The following UTRN variants were observed in gnomAD, a reference collection of about 807,000 sequenced individuals.
UTRN encodes dystrophin-related protein 1.
Under a neutral mutation model 463.9 loss-of-function variants are expected in UTRN, and 283 were observed. The observed-to-expected ratio is 0.61, with a 90% confidence interval of 0.55 to 0.67. The LOEUF (loss-of-function observed/expected upper bound fraction) is 0.67, where lower values mean the gene tolerates loss of function less well. Among genes scored for constraint, UTRN ranks in the 30% least tolerant of loss-of-function variants. The pLI, the probability that UTRN is intolerant of heterozygous loss-of-function variation, is 0.00. For missense variants in UTRN, 3,922 were observed against 4,084.3 expected (o/e 0.96, Z 1.08); for synonymous variants, 1,442 against 1,431.5 (o/e 1.01, Z -0.17).
At chr6:144,472,435 G>A (rs901029509) in intron 23 of UTRN, among the ~76,000 whole-genome samples, 5 of 151,712 alleles carry the variant, frequency 3.3e-5, no homozygotes, top group Non-Finnish European at 7.4e-5. Flanking sequence ...TTCTTGGCAA[G>A]TCTTGATTTC....
chr6:144,505,025 A>G (rs1794580038), intron 34 of UTRN, among the ~76,000 whole-genome samples: 1 of 152,112 alleles, frequency 6.6e-6, no homozygotes, highest in South Asian at 2.1e-4. Context: ...CATTTCTTCT[A>G]CATTTTCTAG....
intron 58 of UTRN, among the ~76,000 whole-genome samples, chr6:144,762,133 A>G (rs1792767481): frequency 1.3e-5 from 2 of 152,198 alleles, no homozygotes; most frequent in East Asian, 1.9e-4. Context: ...GTCTTAATGA[A>G]TTATCAATAA....
At chr6:144,772,040 T>TTG in intron 59 of UTRN, 72 bp downstream of exon 59, 1 of 1,090,350 alleles carries the variant, frequency 9.2e-7, no homozygotes, top group South Asian at 1.7e-5. Flanking sequence ...TTTTTTTTTT[T>TTG]TTTTTTTTTT....
In UTRN at chr6:144,719,031, T is replaced by G. The variant is rs9399494; in HGVS notation, c.7810-11326T>G. ...CACAGATGTTGTCTTGAGATAATAATGTCTTCTATGGGGGCTGGAAGGGGA... is the reference window on the plus strand; with the variant it reads ...CACAGATGTTGTCTTGAGATAATAAGGTCTTCTATGGGGGCTGGAAGGGGA... On this transcript the variant is annotated intron_variant, in intron 53 of 74. Transcript: ENST00000367545. Among the ~76,000 whole-genome samples, 709 of 152,310 alleles carry G rather than the reference T, an allele frequency of 4.7e-3. 29 individuals are homozygous for G. In the East Asian group the frequency reaches 0.1, roughly 22 times the overall value.
intron 64 of UTRN, among the ~76,000 whole-genome samples, chr6:144,799,722 G>A (rs1777550161): frequency 6.6e-6 from 1 of 152,184 alleles, no homozygotes; most frequent in South Asian, 2.1e-4. Context: ...TAATAACTCT[G>A]TAAGATTGGG....
intron 2 of UTRN, among the ~76,000 whole-genome samples, chr6:144,326,257 T>A (rs1324121289): frequency 6.6e-6 from 1 of 152,062 alleles, no homozygotes; most frequent in African/African-American, 2.4e-5. Flanking sequence ...GCTGTACTGT[T>A]ACTTTTTTTG....
At chr6:144,355,131 T>G (rs1214538546) in intron 2 of UTRN, among the ~76,000 whole-genome samples, 2 of 152,178 alleles carry the variant, frequency 1.3e-5, no homozygotes, top group African/African-American at 4.8e-5. Flanking sequence ...TGTTAAAAAA[T>G]GTGTGGAAAG....
At chr6:144,833,762 C>T (rs1780871155) in intron 69 of UTRN, among the ~76,000 whole-genome samples, 1 of 152,186 alleles carries the variant, frequency 6.6e-6, no homozygotes, top group Non-Finnish European at 1.5e-5. Context: ...TTCACTGCAG[C>T]TCATTGGTGT....
At chr6:144,660,945 T>C (rs1779808998) in intron 51 of UTRN, among the ~76,000 whole-genome samples, 1 of 152,198 alleles carries the variant, frequency 6.6e-6, no homozygotes, top group African/African-American at 2.4e-5. Context: ...AATACTACCT[T>C]ACATTTATAG....
intron 3 of UTRN, among the ~76,000 whole-genome samples, chr6:144,406,362 T>TC (rs1783409291): frequency 3.3e-5 from 1 of 30,762 alleles, no homozygotes; most frequent in African/African-American, 4.9e-5. Flanking sequence ...TTTTCTTTTT[T>TC]TTTTTTTTTT....
intron 65 of UTRN, among the ~76,000 whole-genome samples, chr6:144,811,549 C>T (rs1778614158): frequency 6.6e-6 from 1 of 152,078 alleles, no homozygotes; most frequent in East Asian, 1.9e-4. Context: ...CTTATCATCC[C>T]ACTGATTCTT....
rs1252518536 is a variant in UTRN, at chr6:144,504,033, T to TTGGCTC, written c.4764+4608_4764+4613dup. 2.0e-5 allele frequency among the ~76,000 whole-genome samples: 3 copies of TTGGCTC among 152,216 alleles called. No individual in the cohort carries two copies. In the East Asian group the frequency reaches 5.8e-4, roughly 29 times the overall value. ...TTGTGAATGGGAGTTCACTCATGATTTGGCTCTCTATTATTGGTGTATAGG... is the reference window on the plus strand; with the variant it reads ...TTGTGAATGGGAGTTCACTCATGATTTGGCTCTGGCTCTCTATTATTGGTGTATAGG... On this transcript the variant is annotated intron_variant, in intron 34 of 74. Coordinates refer to ENST00000367545, the MANE Select transcript of UTRN (RefSeq NM_007124.3).
Position 144,771,907 on chromosome 6 carries a change from C to T in UTRN, c.8496C>T (p.Asn2832=), listed in dbSNP as rs1239576058. ...TTAAAATTTTACCTTTTTTTTCCAG[C>T]CATCAAACACAGACCACCTGTTGGG... is the stretch of plus-strand genomic sequence containing the variant. The part of the protein sequence containing the change: ...ISHNKVPYYI[N]HQTQTTCWDH... Residue 2832 remains asparagine (N), a splice_region_variant and synonymous_variant, in exon 59 of 75, where the codon AAC becomes AAT. Coordinates refer to ENST00000367545, the MANE Select transcript of UTRN (RefSeq NM_007124.3). 2 of 1,581,628 alleles carry T rather than the reference C, an allele frequency of 1.3e-6. No homozygotes were observed. Among genetic ancestry groups the T allele is most frequent in the African/African-American group, 2.7e-5 (2 of 72,728 alleles).
intron 2 of UTRN, among the ~76,000 whole-genome samples, chr6:144,347,833 C>CTTTTTTTTTTTTTTTTTTTTTT (rs1777715796): frequency 7.7e-6 from 1 of 130,270 alleles, no homozygotes; most frequent in African/African-American, 4.1e-5. Context: ...GTGGCTTATT[C>CTTTTTTTTTTTTTTTTTTTTTT]TTTGTTTTTT....
intron 61 of UTRN, among the ~76,000 whole-genome samples, chr6:144,788,056 G>A (rs1420678572): frequency 6.6e-6 from 1 of 151,986 alleles, no homozygotes; most frequent in Non-Finnish European, 1.5e-5. Flanking sequence ...TCTTTGATAA[G>A]CAATGAAATT....
intron 51 of UTRN, among the ~76,000 whole-genome samples, chr6:144,595,705 A>G (rs1242882593): frequency 1.3e-5 from 2 of 152,332 alleles, no homozygotes; most frequent in South Asian, 2.1e-4. Context: ...CCATAATTTT[A>G]AAAATCTATA....
At chr6:144,382,794 T>A (rs1337454563) in intron 2 of UTRN, among the ~76,000 whole-genome samples, 4 of 152,230 alleles carry the variant, frequency 2.6e-5, no homozygotes, top group Non-Finnish European at 5.9e-5. Flanking sequence ...TTAATAAATG[T>A]CAGTTTTATT....
At chr6:144,721,497 C>T (rs1787168244) in intron 53 of UTRN, among the ~76,000 whole-genome samples, 1 of 152,328 alleles carries the variant, frequency 6.6e-6, no homozygotes, top group African/African-American at 2.4e-5. Context: ...TTATGAGCCA[C>T]CACAGCCAGC....
At chr6:144,411,054 A>G (rs1783854887) in intron 3 of UTRN, among the ~76,000 whole-genome samples, 1 of 152,196 alleles carries the variant, frequency 6.6e-6, no homozygotes, top group South Asian at 2.1e-4. Context: ...TCTTTTTTGT[A>G]TAATGACTTC....
Sources: gnomAD v4.1 joint callset for allele counts (sites outside exome capture counted in the v4.1 genomes callset) on GRCh38, gnomAD v4.1.1 for gene constraint, MANE v1.5 for transcripts, NCBI Gene and HGNC (gene_info 2026-07-23, HGNC 2026-07-21) for gene names.